CHD9: variants seen among roughly 807,000 people sequenced by gnomAD.
CHD9 encodes chromodomain helicase DNA binding protein 9.
A neutral mutation model predicts 316.1 loss-of-function variants in CHD9; 77 were observed. That is an observed-to-expected ratio of 0.24 (90% CI 0.20 to 0.29). The LOEUF (loss-of-function observed/expected upper bound fraction) is 0.29. Ranked by LOEUF, CHD9 falls within the 10% of genes least tolerant of loss-of-function variation. The probability of loss-of-function intolerance (pLI) is 1.00; values close to 1 mark genes in which losing one functional copy is unlikely to be tolerated. For synonymous variants in CHD9, 1,129 were observed against 1,158.3 expected (o/e 0.97, Z 0.51); for missense variants, 2,763 against 3,438.1 (o/e 0.80, Z 4.91).
intron 31 of CHD9, 73 bp from the exon 32 acceptor site, chr16:53,306,160 ATAAT>A (rs2055948806): frequency 1.2e-5 from 10 of 831,352 alleles, no homozygotes; most frequent in Non-Finnish European, 1.7e-5. Flanking sequence ...GTGTTTCTGA[ATAAT>A]TATGTAAAAT....
At position 53,255,614 on chromosome 16, in the gene CHD9, C is replaced by T. The variant is rs2050525295; in HGVS notation, c.4044C>T (p.Ser1348=). The part of the protein sequence containing the change: ...ESNVGGIQQL[S]KKEIEDLLRR... Reference sequence around the variant, plus strand: ...TTTCTCCTTAGATTCAGCAGCTTTCCAAAAAGGAAATAGAAGATCTGCTTC... The same window carrying T: ...TTTCTCCTTAGATTCAGCAGCTTTCTAAAAAGGAAATAGAAGATCTGCTTC... Residue 1348 remains serine (S), a synonymous_variant, in exon 19 of 39, where the codon TCC becomes TCT. Coordinates refer to ENST00000447540, the MANE Select transcript of CHD9 (RefSeq NM_001308319.2). 6.2e-7 allele frequency: 1 copy of T among 1,610,690 alleles called. No individual in the cohort carries two copies. The highest frequency in any genetic ancestry group is 1.3e-5 in the African/African-American group (1 of 74,644).
At chr16:53,134,625 C>A (rs1356045516) in intron 1 of CHD9, among the ~76,000 whole-genome samples, 5 of 152,252 alleles carry the variant, frequency 3.3e-5, no homozygotes, top group East Asian at 1.9e-4. Context: ...TTTGGCATAC[C>A]ATGTACAACT....
chr16:53,197,159 A>C (rs1455387978), intron 2 of CHD9, among the ~76,000 whole-genome samples: 1 of 152,178 alleles, frequency 6.6e-6, no homozygotes, highest in Non-Finnish European at 1.5e-5. Context: ...AAGGTTATGG[A>C]ATTTGGCTAA....
At position 53,217,884 on chromosome 16, in the gene CHD9, T is replaced by C. The variant is rs2046895746; in HGVS notation, c.1785-4760T>C. Among the ~76,000 whole-genome samples the C allele has an allele frequency of 2.6e-5, 4 of 151,262 alleles. No individual in the cohort carries two copies. In the South Asian group the frequency reaches 8.4e-4, roughly 32 times the overall value. On this transcript the variant is annotated intron_variant, in intron 3 of 38. Transcript: ENST00000447540. ...TCTACCAAGTAGCTAGAACTACGGG[T>C]GCATACCACTGCGCCTGGCTTATAC... is the stretch of plus-strand genomic sequence containing the variant.
chr16:53,207,888 T>G, intron 2 of CHD9: 8 of 200,942 alleles, frequency 4.0e-5, no homozygotes, highest in South Asian at 1.7e-4. Flanking sequence ...GAACAGTCCA[T>G]TGGGGGTTAA....
chr16:53,106,981 T>C (rs1435635047), intron 1 of CHD9, among the ~76,000 whole-genome samples: 2 of 152,154 alleles, frequency 1.3e-5, no homozygotes, highest in Admixed American at 1.3e-4. Context: ...TGACTTCGAA[T>C]GAGAAAATTA....
At chr16:53,158,136 T>C (rs1312947200) in intron 2 of CHD9, among the ~76,000 whole-genome samples, 1 of 152,220 alleles carries the variant, frequency 6.6e-6, no homozygotes, top group Non-Finnish European at 1.5e-5. Context: ...ATGGTGAAAT[T>C]GGTACCTACA....
rs548862579 is a variant in CHD9, at chr16:53,105,469, T to A, written c.-165+50392T>A. Among the ~76,000 whole-genome samples, 24 of 152,392 alleles carry A rather than the reference T, an allele frequency of 1.6e-4. No homozygotes were observed. The South Asian group carries it at 4.8e-3, about 30-fold the overall frequency. On this transcript the variant is annotated intron_variant, in intron 1 of 38. Coordinates refer to ENST00000447540, the MANE Select transcript of CHD9 (RefSeq NM_001308319.2). ...AATTTATTTCAGTCTTCTCATTTTT[T>A]AAAAATGATTTTACTGTATTCCATT...
chr16:53,155,216 A>G (rs2041425005), intron 1 of CHD9, among the ~76,000 whole-genome samples: 1 of 152,078 alleles, frequency 6.6e-6, no homozygotes, highest in African/African-American at 2.4e-5. Flanking sequence ...ATTAGATTGA[A>G]TAAAATCAGT....
chr16:53,250,671 A>G (rs1376650030), intron 17 of CHD9: 1 of 152,202 alleles, frequency 6.6e-6, no homozygotes, highest in Non-Finnish European at 1.5e-5. Context: ...GTAAGACTAT[A>G]CTTGGACTAC....
chr16:53,296,897 G>T, intron 29 of CHD9, 59 bp from the exon 30 acceptor site: 1 of 1,048,552 alleles, frequency 9.5e-7, no homozygotes, highest in African/African-American at 1.6e-5. Flanking sequence ...ATTATATTTA[G>T]TATTAATATT....
chr16:53,190,957 T>G (rs1292175593), intron 2 of CHD9, among the ~76,000 whole-genome samples: 2 of 152,120 alleles, frequency 1.3e-5, no homozygotes, highest in Non-Finnish European at 2.9e-5. Flanking sequence ...TGAGGCATAA[T>G]TTACATACAA....
rs2056108836 is a variant in CHD9, at chr16:53,307,697, A to G, written c.6797A>G (p.Asn2266Ser). The part of the protein sequence containing the change: ...SYWPKDRVMI[N>S]RLDSICQTVL... ...CTTTTCTAGGATCGTGTGATGATCA[A>G]TAGGTTGGACAGTATTTGTCAAACA... The change falls in exon 33 of 39, where the codon AAT (asparagine) becomes AGT (serine). Residue 2266 changes from asparagine to serine, a missense_variant. Transcript: ENST00000447540. The G allele has an allele frequency of 1.2e-6, 2 of 1,608,940 alleles. No individual in the cohort carries two copies. Among genetic ancestry groups the G allele is most frequent in the Non-Finnish European group, 1.7e-6 (2 of 1,177,458 alleles).
intron 16 of CHD9, among the ~76,000 whole-genome samples, chr16:53,249,647 A>G (rs578002151): frequency 2.6e-5 from 4 of 152,312 alleles, no homozygotes; most frequent in Non-Finnish European, 4.4e-5. Context: ...TCTTTTACCT[A>G]TACATCTGGG....
At chr16:53,287,526 G>C (rs377499271) in intron 26 of CHD9, among the ~76,000 whole-genome samples, 1 of 152,148 alleles carries the variant, frequency 6.6e-6, no homozygotes, top group Non-Finnish European at 1.5e-5. Flanking sequence ...TCAGGAGTTC[G>C]AGACCAGCCT....
intron 29 of CHD9, among the ~76,000 whole-genome samples, chr16:53,296,285 C>CATGATTTTGT (rs1425116587): frequency 4.1e-4 from 63 of 152,244 alleles, no homozygotes; most frequent in Non-Finnish European, 7.2e-4. Context: ...GATCATCTTA[C>CATGATTTTGT]ATGATTTTGT....
chr16:53,077,650 T>C, intron 1 of CHD9, among the ~76,000 whole-genome samples: 1 of 152,180 alleles, frequency 6.6e-6, no homozygotes, highest in East Asian at 1.9e-4. Flanking sequence ...TTAAAGTATA[T>C]ATTTAAGGGG....
intron 1 of CHD9, among the ~76,000 whole-genome samples, chr16:53,126,931 G>A (rs1391111708): frequency 2.0e-5 from 3 of 151,800 alleles, no homozygotes; most frequent in East Asian, 3.9e-4. Flanking sequence ...CACCCACCTC[G>A]GCCTCCCAAA....
At chr16:53,266,965 T>C (rs1315966449) in intron 20 of CHD9, among the ~76,000 whole-genome samples, 1 of 152,166 alleles carries the variant, frequency 6.6e-6, no homozygotes, top group Non-Finnish European at 1.5e-5. Context: ...TTAAGAACAA[T>C]CTAAATTATG....
Sources: gnomAD v4.1 joint callset for allele counts (sites outside exome capture counted in the v4.1 genomes callset) on GRCh38, gnomAD v4.1.1 for gene constraint, MANE v1.5 for transcripts, NCBI Gene and HGNC (gene_info 2026-07-23, HGNC 2026-07-21) for gene names.